Variants in DNAH3 observed in about 807,000 individuals in gnomAD.
DNAH3 encodes the protein dynein axonemal heavy chain 3.
Under a neutral mutation model 432.5 loss-of-function variants are expected in DNAH3, and 332 were observed. That is an observed-to-expected ratio of 0.77 (90% confidence interval 0.70 to 0.84). The LOEUF is 0.84. DNAH3 is among the 40% of genes least tolerant of loss of function. The pLI is 0.00. For synonymous variants in DNAH3, 1,956 were observed against 1,900.2 expected, an observed-to-expected ratio of 1.03 and a Z score of -0.76; for missense variants, 4,861 against 5,114.0, an observed-to-expected ratio of 0.95 and a Z score of 1.51.
chr16:21,146,124 T>C (rs1597488794), intron 1 of DNAH3, 36 bp from the exon 3 acceptor site: 2 of 1,455,860 alleles, frequency 1.4e-6, no homozygotes, highest in South Asian at 1.1e-5. Flanking sequence ...CCTTCAAAAA[T>C]TAGGGAAGAT....
chr16:21,114,805 A>G (rs569703630), intron 12 of DNAH3, among the ~76,000 whole-genome samples: 11 of 152,340 alleles, frequency 7.2e-5, no homozygotes, highest in African/African-American at 2.4e-4. Flanking sequence ...ACTGTAAACT[A>G]GTTCAACCAT....
chr16:21,116,048 T>C (rs1218895271), intron 12 of DNAH3, among the ~76,000 whole-genome samples: 1 of 152,110 alleles, frequency 6.6e-6, no homozygotes, highest in Non-Finnish European at 1.5e-5. Context: ...CCCCACAATA[T>C]AATTTTCCAG....
intron 57 of DNAH3, 52 bp downstream of exon 57, chr16:20,948,431 G>A: frequency 1.3e-6 from 2 of 1,579,584 alleles, no homozygotes; most frequent in Non-Finnish European, 8.6e-7. Flanking sequence ...GCCATATAGA[G>A]ATGACGGAGC....
intron 50 of DNAH3, among the ~76,000 whole-genome samples, chr16:20,977,174 C>T (rs1007992493): frequency 2.6e-5 from 4 of 152,006 alleles, no homozygotes; most frequent in African/African-American, 7.3e-5. Flanking sequence ...CTCAGGAGGT[C>T]GTGACCAGCC....
At chr16:20,997,004 C>G in intron 44 of DNAH3, 1 of 340,678 alleles carries the variant, frequency 2.9e-6, no homozygotes, top group Non-Finnish European at 5.4e-6. Flanking sequence ...GAGCCTCCCT[C>G]CCGGAACACA....
chr16:21,118,355 G>C (rs1334807093), intron 11 of DNAH3, among the ~76,000 whole-genome samples: 1 of 152,168 alleles, frequency 6.6e-6, no homozygotes, highest in Non-Finnish European at 1.5e-5. Flanking sequence ...TCTAAGCCCA[G>C]AGAAAACAAA....
chr16:21,056,423 A>G (rs1442709189), intron 27 of DNAH3, among the ~76,000 whole-genome samples: 4 of 110,370 alleles, frequency 3.6e-5, no homozygotes, highest in Non-Finnish European at 7.3e-5. Context: ...CCTTCTTTAA[A>G]CCCTCCCTCC....
intron 40 of DNAH3, among the ~76,000 whole-genome samples, chr16:21,020,996 T>C (rs1415203542): frequency 6.6e-6 from 1 of 152,230 alleles, no homozygotes; most frequent in African/African-American, 2.4e-5. Context: ...CACAGTCATT[T>C]TGTGACTGGC....
At position 21,148,739 on chromosome 16, in the gene DNAH3, G is replaced by A. The variant is rs140410745; in HGVS notation, c.118-2651C>T. Reference sequence around the variant, plus strand: ...CAAATACACAAACAGTCATAAGTACGCTGATAGCAGAAAGCATCCCAGTCT... The same window carrying A: ...CAAATACACAAACAGTCATAAGTACACTGATAGCAGAAAGCATCCCAGTCT... On this transcript the variant is annotated intron_variant, in intron 1 of 61. Coordinates refer to ENST00000261383, the Ensembl canonical transcript of DNAH3. 4.5e-3 allele frequency among the ~76,000 whole-genome samples: 685 copies of A among 152,206 alleles called. 7 individuals carry two copies. The highest frequency in any genetic ancestry group is 0.015 in the African/African-American group (628 of 41,530).
exon 62 of DNAH3, chr16:20,933,233 G>C (rs2083471286): frequency 6.2e-7 from 1 of 1,614,256 alleles, no homozygotes; most frequent in East Asian, 2.2e-5. Flanking sequence ...AAGCTCAATG[G>C]AGAGGACATA....
At chr16:21,145,294 T>C (rs772303514) in exon 3 of DNAH3, 14 of 1,614,118 alleles carry the variant, frequency 8.7e-6, no homozygotes, top group East Asian at 2.2e-5. Context: ...GGAGTAGTTG[T>C]TGGCGATGGA....
rs754485383 is a variant in DNAH3, at chr16:20,982,756, T to G, written c.7824A>C (p.Leu2608=). 4 of 1,614,074 alleles carry G rather than the reference T, an allele frequency of 2.5e-6. No individual in the cohort carries two copies. The African/African-American group carries it at 5.3e-5, about 22-fold the overall frequency. Reference sequence around the variant, plus strand: ...TGTTGTCATCAAGCTCCACATCCTCTAGAAATTTGTTAGCCACCAACTCTA... The same window carrying G: ...TGTTGTCATCAAGCTCCACATCCTCGAGAAATTTGTTAGCCACCAACTCTA... Residue 2608 remains leucine, a synonymous_variant, in exon 49 of 62, where the codon CTA becomes CTC. Coordinates refer to ENST00000261383, the Ensembl canonical transcript of DNAH3.
At chr16:20,937,451 AAATT>A (rs1456515955) in intron 59 of DNAH3, among the ~76,000 whole-genome samples, 1 of 152,136 alleles carries the variant, frequency 6.6e-6, no homozygotes, top group Non-Finnish European at 1.5e-5. Flanking sequence ...TGCAAATTTT[AAATT>A]ATTATTAAAA....
At chr16:21,005,319 C>T (rs1396171695) in intron 41 of DNAH3, among the ~76,000 whole-genome samples, 4 of 147,368 alleles carry the variant, frequency 2.7e-5, no homozygotes, top group African/African-American at 1.0e-4. Context: ...TCCCTCCCTC[C>T]CTCCCTTCCT....
At chr16:21,039,509 C>T (rs530817160) in intron 33 of DNAH3, among the ~76,000 whole-genome samples, 135 of 152,162 alleles carry the variant, frequency 8.9e-4, no homozygotes, top group African/African-American at 3.1e-3. Flanking sequence ...TGAGCCACCA[C>T]ACCCGGCCTT....
intron 1 of DNAH3, among the ~76,000 whole-genome samples, chr16:21,155,459 T>A (rs1445160158): frequency 6.6e-6 from 1 of 151,598 alleles, no homozygotes; most frequent in Non-Finnish European, 1.5e-5. Context: ...CTGTCTCTAC[T>A]AAAAATACAA....
chr16:21,019,733 G>C, exon 41 of DNAH3: 1 of 1,614,102 alleles, frequency 6.2e-7, no homozygotes. Context: ...ATTTCTTTCT[G>C]CTGTCTGCGT....
At chr16:20,974,656 G>A (rs2152645666) in intron 51 of DNAH3, among the ~76,000 whole-genome samples, 1 of 126,008 alleles carries the variant, frequency 7.9e-6, no homozygotes, top group South Asian at 2.7e-4. Flanking sequence ...CCGAGGCTCT[G>A]GCGATCCTCC....
At chr16:20,946,719 C>G (rs189511296) in intron 57 of DNAH3, among the ~76,000 whole-genome samples, 1 of 151,642 alleles carries the variant, frequency 6.6e-6, no homozygotes, top group East Asian at 1.9e-4. Context: ...GCCTTAGGGG[C>G]AGGCCGCAGG....
Sources: gnomAD v4.1 joint callset for allele counts (sites outside exome capture counted in the v4.1 genomes callset) on GRCh38, gnomAD v4.1.1 for gene constraint, MANE v1.5 for transcripts, NCBI Gene and HGNC (gene_info 2026-07-23, HGNC 2026-07-21) for gene names.